Variants in NPLOC4 observed in about 807,000 individuals in gnomAD.
NPLOC4 encodes the protein nuclear protein localization protein 4 homolog.
Under a neutral mutation model 80.6 loss-of-function variants are expected in NPLOC4, and 18 were observed. The observed-to-expected ratio is 0.22, with a 90% CI of 0.15 to 0.33. NPLOC4 has a LOEUF of 0.33. Ranked by LOEUF, NPLOC4 falls within the 10% of genes least tolerant of loss-of-function variation. The pLI, the probability that NPLOC4 is intolerant of heterozygous loss-of-function variation, is 1.00. For missense variants in NPLOC4, 540 were observed against 786.1 expected (o/e 0.69, Z 3.74); for synonymous variants, 313 against 301.5 (o/e 1.04, Z -0.39).
intron 3 of NPLOC4, among the ~76,000 whole-genome samples, chr17:81,621,954 T>C (rs543188123): frequency 5.9e-5 from 9 of 152,326 alleles, no homozygotes; most frequent in African/African-American, 2.2e-4. Context: ...TCCAGAATTC[T>C]GCAAAGTCAA....
At chr17:81,616,345 C>CAAAAAGAA (rs1598672426) in intron 3 of NPLOC4, among the ~76,000 whole-genome samples, 2 of 137,654 alleles carry the variant, frequency 1.5e-5, no homozygotes, top group Non-Finnish European at 3.1e-5. Flanking sequence ...AAAAGAAAAG[C>CAAAAAGAA]AAAGCTGCTA....
intron 2 of NPLOC4, among the ~76,000 whole-genome samples, chr17:81,628,015 A>G (rs995973590): frequency 2.0e-5 from 3 of 151,976 alleles, no homozygotes; most frequent in Admixed American, 2.0e-4. Context: ...GATGAAGACC[A>G]TCCTGGCTAA....
rs9907680 is a variant in NPLOC4 at position 81,606,653 on chromosome 17, C to T, written c.654+38G>A. 1.1e-3 allele frequency: 1,774 copies of T among 1,595,296 alleles called. 24 individuals are homozygous for T. In the African/African-American group the frequency reaches 0.02, roughly 18 times the overall value. On this transcript the variant is annotated intron_variant, in intron 7 of 16. Coordinates refer to ENST00000331134, the MANE Select transcript of NPLOC4 (RefSeq NM_017921.4). ...TCTTCTGGAAATATCCGTTTCTCAG[C>T]CATGAAAACAAATCTAGACAGACAG...
chr17:81,596,039 TA>T, intron 11 of NPLOC4, 76 bp downstream of exon 11: 1 of 1,454,162 alleles, frequency 6.9e-7, no homozygotes. Context: ...AAGTTAAGGA[TA>T]AAAAGCTACC....
At chr17:81,561,653 GCTCA>G (rs1192018009) in intron 16 of NPLOC4, 1 of 152,034 alleles carries the variant, frequency 6.6e-6, no homozygotes, top group Non-Finnish European at 1.5e-5. Flanking sequence ...TATAATCATG[GCTCA>G]CTGTGACCTC....
chr17:81,596,268 A>C, intron 10 of NPLOC4, 26 bp from the exon 11 acceptor site: 4 of 1,591,192 alleles, frequency 2.5e-6, no homozygotes, highest in Non-Finnish European at 3.4e-6. Context: ...CAGCCTATCA[A>C]ATTTTACAGC....
chr17:81,605,803 G>C lies in NPLOC4; in HGVS notation c.654+888C>G, dbSNP rs866756583. 2.7e-4 allele frequency among the ~76,000 whole-genome samples: 41 copies of C among 151,378 alleles called. No individual in the cohort carries two copies. In the Middle Eastern group the frequency reaches 0.01, roughly 38 times the overall value. On this transcript the variant is annotated intron_variant, in intron 7 of 16. Transcript: ENST00000331134. The stretch of plus-strand genomic sequence containing the variant: ...AAATACAGGTTTTCACAATCTCTAG[G>C]GCAAAAAACAAACACATTTTCTTTT...
chr17:81,577,818 A>G lies in NPLOC4; in HGVS notation c.1282-5730T>C, dbSNP rs891137928. On this transcript the variant is annotated intron_variant, in intron 12 of 16. Transcript: ENST00000331134. The surrounding 1 kb of genome is among the most constrained non-coding windows in gnomAD (Gnocchi z 4.3). ...TCTCTGCACACCTGCCAGGCCTCCA[A>G]ACCTCTCAGTCCCAGCACACCATCC... is the stretch of plus-strand genomic sequence containing the variant. Among the ~76,000 whole-genome samples the G allele has an allele frequency of 6.6e-6, 1 of 152,114 alleles. No individual in the cohort carries two copies. Among genetic ancestry groups the G allele is most frequent in the East Asian group, 1.9e-4 (1 of 5,184 alleles).
rs35473939 is a variant in NPLOC4 at position 81,585,170 on chromosome 17, C to CAAAAAAAAAAAAAAA, written c.1281+3759_1281+3773dup. 9.8e-5 allele frequency among the ~76,000 whole-genome samples: 4 copies of CAAAAAAAAAAAAAAA among 40,872 alleles called. 1 individual carries two copies. Among genetic ancestry groups the CAAAAAAAAAAAAAAA allele is most frequent in the African/African-American group, 3.9e-4 (3 of 7,622 alleles). The allele number at this position is 40,872 out of a possible 152,430, so 26.8% of individuals were successfully genotyped here. A position where few individuals can be genotyped will look rare whatever the true frequency, so the allele number is the denominator to read the frequency against. The stretch of plus-strand genomic sequence containing the variant: ...GGGCGACAGAACGAGACTCTGTCGC[C>CAAAAAAAAAAAAAAA]AAAAAAAAAAAAAAAAAAAAAAAAA... On this transcript the variant is annotated intron_variant, in intron 12 of 16. Transcript: ENST00000331134.
intron 1 of NPLOC4, among the ~76,000 whole-genome samples, chr17:81,635,555 A>G (rs1325566013): frequency 2.0e-5 from 3 of 152,068 alleles, no homozygotes; most frequent in Admixed American, 2.0e-4. Context: ...TGTGTGAGAC[A>G]GTCTCATTCT....
chr17:81,569,200 A>T, intron 13 of NPLOC4, 89 bp from the exon 14 acceptor site: 1 of 787,696 alleles, frequency 1.3e-6, no homozygotes. Flanking sequence ...CCCAGAGCCC[A>T]AATTAACGAC....
chr17:81,624,420 AAAAAAC>A (rs1196198235), intron 2 of NPLOC4, among the ~76,000 whole-genome samples: 2 of 152,174 alleles, frequency 1.3e-5, no homozygotes, highest in South Asian at 2.1e-4. Flanking sequence ...CTCCGTCTCA[AAAAAAC>A]AAAAACAAAA....
At position 81,610,254 on chromosome 17, in the gene NPLOC4, G is replaced by A. The variant is rs1013293224; in HGVS notation, c.391C>T (p.Arg131Cys). Residue 131 changes from arginine to cysteine, a missense_variant, in exon 5 of 17, where the codon CGC becomes TGC. Coordinates refer to ENST00000331134, the MANE Select transcript of NPLOC4 (RefSeq NM_017921.4). ...IYRSRDPQLC[R>C]HGPLGKCVHC... ...ACGCATTTCCCCAAAGGGCCGTGGC[G>A]GCATCTGAGGAGAGTACAAGGCAGA... 1.3e-5 allele frequency: 21 copies of A among 1,571,468 alleles called. No homozygotes were observed. The highest frequency in any genetic ancestry group is 9.4e-5 in the South Asian group (8 of 85,068).
chr17:81,617,851 G>A (rs2035543778), intron 3 of NPLOC4, among the ~76,000 whole-genome samples: 1 of 152,190 alleles, frequency 6.6e-6, no homozygotes, highest in African/African-American at 2.4e-5. Context: ...GGTGGAGATG[G>A]GGTTTCGCTG....
At chr17:81,588,464 T>C (rs1314956657) in intron 12 of NPLOC4, among the ~76,000 whole-genome samples, 2 of 152,148 alleles carry the variant, frequency 1.3e-5, no homozygotes, top group Non-Finnish European at 2.9e-5. Flanking sequence ...CAGACTCAGG[T>C]GATCCTCCTA....
At chr17:81,604,458 C>T in intron 8 of NPLOC4, 90 bp downstream of exon 8, 1 of 1,218,278 alleles carries the variant, frequency 8.2e-7, no homozygotes, top group Non-Finnish European at 1.1e-6. Context: ...GAACAAACAA[C>T]AAAGCGAACA....
intron 2 of NPLOC4, among the ~76,000 whole-genome samples, chr17:81,626,495 G>C (rs942874825): frequency 6.6e-6 from 1 of 152,232 alleles, no homozygotes; most frequent in East Asian, 1.9e-4. Flanking sequence ...CTGAAAGCCA[G>C]AGGTCAACGA....
intron 2 of NPLOC4, among the ~76,000 whole-genome samples, chr17:81,628,154 T>C (rs1017044199): frequency 1.3e-5 from 2 of 148,524 alleles, no homozygotes; most frequent in Admixed American, 1.4e-4. Flanking sequence ...GAGCTTGCAG[T>C]GAGCCAAGAT....
chr17:81,568,628 C>T (rs2034076766), intron 14 of NPLOC4, among the ~76,000 whole-genome samples: 1 of 152,222 alleles, frequency 6.6e-6, no homozygotes, highest in South Asian at 2.1e-4. Context: ...ACACTACACA[C>T]GGGAAAGCCG....
Sources: gnomAD v4.1 joint callset for allele counts (sites outside exome capture counted in the v4.1 genomes callset) on GRCh38, gnomAD v4.1.1 for gene constraint, Gnocchi (gnomAD v3.1) non-coding constraint, MANE v1.5 for transcripts, NCBI Gene and HGNC (gene_info 2026-07-23, HGNC 2026-07-21) for gene names.